STAU2: variants seen among roughly 807,000 people sequenced by gnomAD.
STAU2 encodes staufen double-stranded RNA binding protein 2.
Under a neutral mutation model 65.9 loss-of-function variants are expected in STAU2, and 20 were observed. The ratio of observed to expected loss-of-function variants is 0.30; its 90% CI spans 0.21 to 0.44. The LOEUF (loss-of-function observed/expected upper bound fraction) is 0.44, where lower values mean the gene tolerates loss of function less well. STAU2 is among the 20% of genes least tolerant of loss of function. STAU2 has a pLI of 1.00. For missense variants in STAU2, 558 were observed against 683.9 expected (o/e 0.82, Z 2.05); for synonymous variants, 232 against 233.9 (o/e 0.99, Z 0.07).
intron 13 of STAU2, among the ~76,000 whole-genome samples, chr8:73,491,658 C>T (rs10089086): frequency 0.55 from 83,851 of 151,676 alleles, 24,757 homozygotes; most frequent in East Asian, 0.89. Flanking sequence ...AAACTTTTAT[C>T]CTAAGTTAGA....
intron 3 of STAU2, among the ~76,000 whole-genome samples, chr8:73,726,522 T>C (rs1399291656): frequency 6.6e-6 from 1 of 152,204 alleles, no homozygotes; most frequent in African/African-American, 2.4e-5. Flanking sequence ...GGCCACTCGA[T>C]ATTTCCCACA....
chr8:73,483,122 CT>C (rs1439497816), intron 13 of STAU2, among the ~76,000 whole-genome samples: 1 of 152,082 alleles, frequency 6.6e-6, no homozygotes, highest in African/African-American at 2.4e-5. Flanking sequence ...ACTTTTTCCT[CT>C]GGTCTCTAGT....
chr8:73,620,622 T>C (rs1373898131), intron 6 of STAU2, among the ~76,000 whole-genome samples: 1 of 152,210 alleles, frequency 6.6e-6, no homozygotes, highest in Non-Finnish European at 1.5e-5. Flanking sequence ...GCTCAATGTA[T>C]GTGTATGTGC....
chr8:73,659,398 A>G (rs938951503), intron 6 of STAU2, among the ~76,000 whole-genome samples: 1 of 152,130 alleles, frequency 6.6e-6, no homozygotes, highest in Non-Finnish European at 1.5e-5. Context: ...TTAGCCTGGC[A>G]TGGTGGCACA....
At chr8:73,552,927 T>C (rs962921860) in intron 12 of STAU2, among the ~76,000 whole-genome samples, 2 of 152,338 alleles carry the variant, frequency 1.3e-5, no homozygotes, top group Middle Eastern at 3.4e-3. Flanking sequence ...TGGCTGCTCA[T>C]GACCCAACCT....
chr8:73,461,446 G>C (rs888019831), intron 13 of STAU2, among the ~76,000 whole-genome samples: 1 of 152,076 alleles, frequency 6.6e-6, no homozygotes, highest in African/African-American at 2.4e-5. Context: ...CCTGAGCTAT[G>C]CTTTATTGGA....
intron 13 of STAU2, chr8:73,440,625 C>G (rs1477246093): frequency 6.6e-6 from 1 of 152,320 alleles, no homozygotes; most frequent in African/African-American, 2.4e-5. Context: ...CCCAGAGACA[C>G]AAGCTGTACC....
At chr8:73,680,468 C>G (rs867769655) in intron 5 of STAU2, among the ~76,000 whole-genome samples, 4 of 152,118 alleles carry the variant, frequency 2.6e-5, no homozygotes, top group Admixed American at 2.0e-4. Flanking sequence ...AGAATCTGAA[C>G]AGCAGATTCA....
chr8:73,424,722 T>C (rs1456415379), intron 13 of STAU2, among the ~76,000 whole-genome samples: 1 of 151,710 alleles, frequency 6.6e-6, no homozygotes, highest in Non-Finnish European at 1.5e-5. Context: ...CTTTCTTCTC[T>C]CTTGCTTTTC....
Position 73,451,490 on chromosome 8 carries a change from A to T in STAU2, c.1531-28788T>A, listed in dbSNP as rs555953609. Among the ~76,000 whole-genome samples the T allele has an allele frequency of 9.7e-4, 147 of 152,014 alleles. 2 individuals carry two copies. Among genetic ancestry groups the T allele is most frequent in the Non-Finnish European group, 3.4e-4 (23 of 68,016 alleles). Reference sequence around the variant, plus strand: ...TGTGTACACTCGGATTCAAAAAAATATGTTAAGAGAGAGAAAGCGTTCCTC... The same window carrying T: ...TGTGTACACTCGGATTCAAAAAAATTTGTTAAGAGAGAGAAAGCGTTCCTC... On this transcript the variant is annotated intron_variant, in intron 13 of 14. Coordinates refer to ENST00000524300, the MANE Select transcript of STAU2 (RefSeq NM_001164380.2).
intron 13 of STAU2, among the ~76,000 whole-genome samples, chr8:73,478,366 A>G (rs972343582): frequency 6.6e-6 from 1 of 150,518 alleles, no homozygotes; most frequent in Non-Finnish European, 1.5e-5. Flanking sequence ...AAGAAAGTTG[A>G]TGAGTTTGTT....
intron 13 of STAU2, among the ~76,000 whole-genome samples, chr8:73,539,489 TA>T (rs1336572530): frequency 2.0e-5 from 3 of 151,610 alleles, no homozygotes; most frequent in East Asian, 3.9e-4. Flanking sequence ...TTACGCAAAA[TA>T]AAAAAAAATT....
intron 13 of STAU2, among the ~76,000 whole-genome samples, chr8:73,536,980 T>C (rs1264709360): frequency 6.6e-6 from 1 of 152,190 alleles, no homozygotes; most frequent in East Asian, 1.9e-4. Flanking sequence ...TCACAGATGA[T>C]AGACTTATCT....
At chr8:73,582,931 G>T in intron 11 of STAU2, 101 bp from the exon 12 acceptor site, 2 of 984,528 alleles carry the variant, frequency 2.0e-6, no homozygotes, top group Non-Finnish European at 1.6e-6. Flanking sequence ...CCTCTCACAT[G>T]GTTATTCTGC....
At position 73,420,909 on chromosome 8, in the gene STAU2, A is replaced by T. The variant is rs992684501; in HGVS notation, c.*463T>A. 6.3e-6 allele frequency: 1 copy of T among 157,876 alleles called. No individual in the cohort carries two copies. Among genetic ancestry groups the T allele is most frequent in the South Asian group, 1.9e-4 (1 of 5,224 alleles). The allele number at this position is 157,876 out of a possible 1,614,324, so 9.8% of individuals were successfully genotyped here. A position where few individuals can be genotyped will look rare whatever the true frequency, so the allele number is the denominator to read the frequency against. On this transcript the variant is annotated 3_prime_UTR_variant, in exon 15 of 15. Transcript: ENST00000524300. ...CATGTGACTCTATATGAAGACAACC[A>T]TCACATTCCACAGCACATCATTGGT... is the stretch of plus-strand genomic sequence containing the variant.
chr8:73,573,858 A>C (rs1006232725), intron 12 of STAU2, among the ~76,000 whole-genome samples: 2 of 151,820 alleles, frequency 1.3e-5, no homozygotes, highest in African/African-American at 4.8e-5. Context: ...GGAGTTCATG[A>C]CTAAAACACC....
At chr8:73,709,195 A>G in intron 3 of STAU2, 33 bp from the exon 4 acceptor site, 1 of 1,452,446 alleles carries the variant, frequency 6.9e-7, no homozygotes, top group South Asian at 1.5e-5. Context: ...GTTTTTGTGA[A>G]GAATGACTTT....
intron 4 of STAU2, among the ~76,000 whole-genome samples, chr8:73,704,002 A>G (rs1195757087): frequency 1.3e-5 from 2 of 152,178 alleles, no homozygotes; most frequent in Non-Finnish European, 2.9e-5. Flanking sequence ...ACTCTTTACT[A>G]CATTTCCCTT....
chr8:73,729,234 C>A (rs1360153854), intron 3 of STAU2, among the ~76,000 whole-genome samples: 2 of 152,164 alleles, frequency 1.3e-5, no homozygotes, highest in African/African-American at 4.8e-5. Flanking sequence ...ACTACACCAC[C>A]CTTGCAATCC....
Sources: gnomAD v4.1 joint callset for allele counts (sites outside exome capture counted in the v4.1 genomes callset) on GRCh38, gnomAD v4.1.1 for gene constraint, MANE v1.5 for transcripts, NCBI Gene and HGNC (gene_info 2026-07-23, HGNC 2026-07-21) for gene names.